Variants in ANKS1B observed in about 807,000 individuals in gnomAD.
ANKS1B encodes ankyrin repeat and sterile alpha motif domain containing 1B, also known as ankyrin repeat and sterile alpha motif domain-containing protein 1B.
Under a neutral mutation model 148.3 loss-of-function variants are expected in ANKS1B, and 36 were observed. That is an observed-to-expected ratio of 0.24 (90% confidence interval 0.19 to 0.32). ANKS1B has a LOEUF of 0.32. Among genes scored for constraint, ANKS1B ranks in the 10% least tolerant of loss-of-function variants. The pLI is 1.00. For synonymous variants in ANKS1B, 542 were observed against 560.8 expected (o/e 0.97, Z 0.47); for missense variants, 1,157 against 1,542.6 (o/e 0.75, Z 4.19).
At chr12:98,782,275 G>C (rs1566437868) in intron 22 of ANKS1B, 138 bp from the exon 23 acceptor site, 5 of 722,162 alleles carry the variant, frequency 6.9e-6, no homozygotes, top group Non-Finnish European at 9.4e-6. Context: ...CAAAAGAACA[G>C]GCTTCAGAGT....
At chr12:99,358,136 A>T (rs545766496) in intron 12 of ANKS1B, among the ~76,000 whole-genome samples, 1 of 151,948 alleles carries the variant, frequency 6.6e-6, no homozygotes, top group Non-Finnish European at 1.5e-5. Flanking sequence ...GTTAACATTT[A>T]CTTCTTAATT....
intron 12 of ANKS1B, among the ~76,000 whole-genome samples, chr12:99,328,676 C>T (rs1227467485): frequency 6.6e-6 from 1 of 151,710 alleles, no homozygotes; most frequent in African/African-American, 2.4e-5. Flanking sequence ...AAAATATATC[C>T]AACATCAAGC....
chr12:98,774,446 G>A (rs998915058), intron 24 of ANKS1B, among the ~76,000 whole-genome samples: 10 of 152,170 alleles, frequency 6.6e-5, no homozygotes, highest in African/African-American at 1.7e-4. Flanking sequence ...AAATAACCAC[G>A]AAGCAGCTTG....
intron 9 of ANKS1B, among the ~76,000 whole-genome samples, chr12:99,637,962 T>C (rs1217318481): frequency 2.0e-5 from 3 of 151,932 alleles, no homozygotes; most frequent in Non-Finnish European, 4.4e-5. Context: ...GGGAGGTAAT[T>C]AAATCACGGG....
chr12:99,337,890 T>C (rs1374103928), intron 12 of ANKS1B, among the ~76,000 whole-genome samples: 2 of 152,190 alleles, frequency 1.3e-5, no homozygotes, highest in Non-Finnish European at 2.9e-5. Flanking sequence ...CACTCTGTGC[T>C]GAGCTGCCTG....
intron 10 of ANKS1B, among the ~76,000 whole-genome samples, chr12:99,493,806 A>G (rs1312175183): frequency 6.6e-6 from 1 of 152,196 alleles, no homozygotes; most frequent in Non-Finnish European, 1.5e-5. Flanking sequence ...AGTAGATGAT[A>G]TTAAGTAGAT....
intron 24 of ANKS1B, among the ~76,000 whole-genome samples, chr12:98,778,169 G>A (rs897222847): frequency 3.3e-5 from 5 of 152,186 alleles, no homozygotes; most frequent in Non-Finnish European, 7.3e-5. Flanking sequence ...AATAAAGTAC[G>A]ATGAAAACAT....
chr12:99,556,863 T>C (rs181760516), intron 9 of ANKS1B, among the ~76,000 whole-genome samples: 19 of 152,242 alleles, frequency 1.2e-4, no homozygotes, highest in Admixed American at 9.8e-4. Flanking sequence ...TTCTGGCCGA[T>C]TGTGTGGTTG....
At chr12:99,457,417 C>A (rs1467303795) in intron 10 of ANKS1B, among the ~76,000 whole-genome samples, 1 of 151,768 alleles carries the variant, frequency 6.6e-6, no homozygotes, top group Non-Finnish European at 1.5e-5. Context: ...CAGAACAGAA[C>A]TTCATGTCTT....
intron 1 of ANKS1B, among the ~76,000 whole-genome samples, chr12:99,909,360 C>T (rs1346170658): frequency 1.3e-5 from 2 of 152,054 alleles, no homozygotes; most frequent in Non-Finnish European, 2.9e-5. Context: ...AACATGGGAG[C>T]TCAGATATCT....
At chr12:99,738,438 G>C (rs2059808152) in intron 8 of ANKS1B, among the ~76,000 whole-genome samples, 1 of 152,036 alleles carries the variant, frequency 6.6e-6, no homozygotes, top group Admixed American at 6.6e-5. Context: ...GTCTGAAAAA[G>C]CTCTTGAATC....
intron 8 of ANKS1B, among the ~76,000 whole-genome samples, chr12:99,684,418 C>T (rs1029646896): frequency 1.3e-5 from 2 of 149,278 alleles, no homozygotes; most frequent in African/African-American, 4.9e-5. Flanking sequence ...TACATCTAAC[C>T]AAAGAGGTGA....
intron 8 of ANKS1B, among the ~76,000 whole-genome samples, chr12:99,665,936 A>G (rs1210355482): frequency 2.0e-5 from 3 of 152,230 alleles, no homozygotes; most frequent in African/African-American, 7.2e-5. Flanking sequence ...TAAGTTTAAG[A>G]TTTTTGCTTT....
rs537828810 is a variant in ANKS1B, at chr12:99,955,355, T to C, written c.134+28749A>G. Among the ~76,000 whole-genome samples the C allele has an allele frequency of 6.6e-5, 10 of 151,526 alleles. No homozygotes were observed. The South Asian group carries it at 1.5e-3, about 22-fold the overall frequency. The stretch of plus-strand genomic sequence containing the variant: ...TAAAAATACAAAAATTAGCCGGGCA[T>C]GGTGGCGCGCGCCTGTAGTCCCAGC... On this transcript the variant is annotated intron_variant, in intron 1 of 26. Transcript: ENST00000683438.
chr12:98,948,410 A>G (rs191891483), intron 17 of ANKS1B, among the ~76,000 whole-genome samples: 1 of 152,334 alleles, frequency 6.6e-6, no homozygotes, highest in East Asian at 1.9e-4. Flanking sequence ...GGTCATTCAC[A>G]TAAAACCATC....
chr12:99,919,201 T>C (rs971181947), intron 1 of ANKS1B, among the ~76,000 whole-genome samples: 10 of 152,148 alleles, frequency 6.6e-5, no homozygotes, highest in Non-Finnish European at 1.5e-4. Context: ...AGAAAGAGTA[T>C]GAATTCTGGA....
chr12:99,575,762 C>CA (rs1486227704), intron 9 of ANKS1B, among the ~76,000 whole-genome samples: 1 of 151,986 alleles, frequency 6.6e-6, no homozygotes, highest in Non-Finnish European at 1.5e-5. Context: ...TGGGTGGGGA[C>CA]ACCCAAACCA....
intron 17 of ANKS1B, among the ~76,000 whole-genome samples, chr12:99,046,209 A>G (rs970880315): frequency 6.6e-6 from 1 of 152,206 alleles, no homozygotes; most frequent in Non-Finnish European, 1.5e-5. Flanking sequence ...GACCTGAAAG[A>G]TCAAAGACTA....
At position 99,395,154 on chromosome 12, in the gene ANKS1B, A is replaced by T. The variant is rs146189362; in HGVS notation, c.1756+4477T>A. Among the ~76,000 whole-genome samples the T allele has an allele frequency of 2.8e-4, 43 of 152,214 alleles. No individual in the cohort carries two copies. In the East Asian group the frequency reaches 8.1e-3, roughly 29 times the overall value. ...TTAGCTGCTTTCCCTCTCTTACTGCAATGCTACAATTGCCTTCTAACTGGC... is the reference window on the plus strand; with the variant it reads ...TTAGCTGCTTTCCCTCTCTTACTGCTATGCTACAATTGCCTTCTAACTGGC... On this transcript the variant is annotated intron_variant, in intron 12 of 26. Coordinates refer to ENST00000683438, the MANE Select transcript of ANKS1B (RefSeq NM_001352186.2).
Sources: allele counts gnomAD v4.1 joint callset (sites outside exome capture counted in the v4.1 genomes callset), GRCh38; gene constraint gnomAD v4.1.1; transcripts MANE v1.5; gene names NCBI Gene and HGNC (gene_info 2026-07-23, HGNC 2026-07-21).